CSMD1: variants seen among roughly 807,000 people sequenced by gnomAD.
CSMD1 encodes CUB and sushi domain-containing protein 1.
In CSMD1, 213 loss-of-function variants were observed where a neutral mutation model predicts 417.5. That is an observed-to-expected ratio of 0.51 (90% confidence interval 0.46 to 0.57). The LOEUF (loss-of-function observed/expected upper bound fraction) is 0.57, where lower values mean the gene tolerates loss of function less well. Ranked by LOEUF, CSMD1 falls within the 20% of genes least tolerant of loss-of-function variation. The pLI is 0.00. For missense variants in CSMD1, 6,923 were observed against 4,529.7 expected (o/e 1.53, Z -15.17); for synonymous variants, 2,862 against 1,736.8 (o/e 1.65, Z -16.11).
At chr8:3,987,963 A>T (rs990726032) in intron 5 of CSMD1, among the ~76,000 whole-genome samples, 1 of 152,220 alleles carries the variant, frequency 6.6e-6, no homozygotes, top group African/African-American at 2.4e-5. Flanking sequence ...ACAACAAAGG[A>T]AACTGCTCAA....
At chr8:4,841,860 G>A (rs776192043) in intron 1 of CSMD1, among the ~76,000 whole-genome samples, 56 of 126,876 alleles carry the variant, frequency 4.4e-4, no homozygotes, top group Non-Finnish European at 6.7e-4. Flanking sequence ...ACAGTGAGCC[G>A]AGATCGCACC....
intron 41 of CSMD1, among the ~76,000 whole-genome samples, chr8:3,125,851 C>T (rs1817479602): frequency 6.6e-6 from 1 of 152,154 alleles, no homozygotes. Context: ...GTAGCAGATG[C>T]CTGTAACCCC....
intron 10 of CSMD1, among the ~76,000 whole-genome samples, chr8:3,496,934 G>C (rs928575525): frequency 1.3e-5 from 2 of 152,122 alleles, no homozygotes; most frequent in Non-Finnish European, 2.9e-5. Flanking sequence ...TAATTTCCAT[G>C]TATTCGTACA....
intron 49 of CSMD1, among the ~76,000 whole-genome samples, chr8:3,081,651 G>C (rs1157328563): frequency 1.3e-5 from 2 of 152,162 alleles, no homozygotes; most frequent in East Asian, 3.9e-4. Context: ...GACCAAATGT[G>C]AGATACTGTC....
At chr8:3,667,778 T>C (rs1255624194) in intron 7 of CSMD1, among the ~76,000 whole-genome samples, 2 of 152,124 alleles carry the variant, frequency 1.3e-5, no homozygotes, top group Non-Finnish European at 2.9e-5. Flanking sequence ...AGCAAGTGTC[T>C]TGCGGAAAAT....
chr8:4,179,347 A>C (rs1402607768), intron 3 of CSMD1, among the ~76,000 whole-genome samples: 2 of 152,314 alleles, frequency 1.3e-5, no homozygotes, highest in East Asian at 3.9e-4. Flanking sequence ...CTATTTAATA[A>C]ATGGTGCTGG....
chr8:3,593,947 T>C lies in CSMD1; in HGVS notation c.1098-7687A>G, dbSNP rs144409065. Among the ~76,000 whole-genome samples, 469 of 152,310 alleles carry C rather than the reference T, an allele frequency of 3.1e-3. 4 individuals are homozygous for C. Among genetic ancestry groups the C allele is most frequent in the African/African-American group, 0.011 (453 of 41,560 alleles). On this transcript the variant is annotated intron_variant, in intron 8 of 69. Transcript: ENST00000635120. ...AGAATCAGTTATATGGGGAGTTTCCTGAACAAGGTGCTAAAAAGTTTTCTG... is the reference window on the plus strand; with the variant it reads ...AGAATCAGTTATATGGGGAGTTTCCCGAACAAGGTGCTAAAAAGTTTTCTG...
At chr8:4,622,848 G>T (rs374387102) in intron 2 of CSMD1, among the ~76,000 whole-genome samples, 3 of 152,186 alleles carry the variant, frequency 2.0e-5, no homozygotes, top group African/African-American at 4.8e-5. Context: ...TGACATGGTT[G>T]CCTCCATAAA....
chr8:3,398,432 T>A (rs1304901782), intron 16 of CSMD1, among the ~76,000 whole-genome samples: 2 of 152,192 alleles, frequency 1.3e-5, no homozygotes, highest in African/African-American at 4.8e-5. Flanking sequence ...AAAATAAAAA[T>A]AATTATTTCA....
intron 1 of CSMD1, among the ~76,000 whole-genome samples, chr8:4,950,162 G>C (rs971197467): frequency 6.6e-6 from 1 of 152,186 alleles, no homozygotes; most frequent in East Asian, 1.9e-4. Context: ...GCACACTTTT[G>C]TATATGATTG....
chr8:3,444,312 CAGG>C (rs1815169697), intron 12 of CSMD1, among the ~76,000 whole-genome samples: 1 of 152,170 alleles, frequency 6.6e-6, no homozygotes, highest in South Asian at 2.1e-4. Context: ...ATCATCGACT[CAGG>C]AGTCAAGAAC....
chr8:4,787,430 A>C, intron 1 of CSMD1: 1 of 754,442 alleles, frequency 1.3e-6, no homozygotes, highest in Admixed American at 2.0e-5. Flanking sequence ...GGACAAGATT[A>C]CAGCAGGAAA....
At chr8:3,180,155 T>C (rs756461369) in intron 37 of CSMD1, among the ~76,000 whole-genome samples, 11 of 152,230 alleles carry the variant, frequency 7.2e-5, no homozygotes, top group Non-Finnish European at 1.3e-4. Flanking sequence ...TAAACCTTAC[T>C]CTCATTGGAA....
chr8:3,222,550 C>G (rs765058243), intron 28 of CSMD1, among the ~76,000 whole-genome samples: 16 of 152,232 alleles, frequency 1.1e-4, no homozygotes, highest in South Asian at 4.1e-4. Context: ...AACTCAAGTG[C>G]TCCCCATCTT....
rs142139494 is a variant in CSMD1, at chr8:3,192,487, A to T, written c.5195-2372T>A. Among the ~76,000 whole-genome samples the T allele has an allele frequency of 1.4e-4, 21 of 152,284 alleles. No homozygotes were observed. The East Asian group carries it at 4.1e-3, about 29-fold the overall frequency. ...TTAAGATGATGACTTAGTTTATGAA[A>T]CACAGTAATTGTCATGGTTTGGCTA... On this transcript the variant is annotated intron_variant, in intron 33 of 69. Coordinates refer to ENST00000635120, the MANE Select transcript of CSMD1 (RefSeq NM_033225.6).
chr8:3,640,657 A>T (rs1027278543), intron 7 of CSMD1, among the ~76,000 whole-genome samples: 8 of 152,200 alleles, frequency 5.3e-5, no homozygotes, highest in African/African-American at 1.9e-4. Context: ...TATTCCTTTG[A>T]TTGTCGCTAC....
At chr8:3,737,574 C>T (rs1270326935) in intron 6 of CSMD1, among the ~76,000 whole-genome samples, 2 of 152,096 alleles carry the variant, frequency 1.3e-5, no homozygotes, top group Non-Finnish European at 2.9e-5. Flanking sequence ...ATATATCCTC[C>T]TATGTCATTT....
At chr8:3,619,364 T>C (rs887156338) in intron 7 of CSMD1, among the ~76,000 whole-genome samples, 3 of 137,324 alleles carry the variant, frequency 2.2e-5, no homozygotes, top group Middle Eastern at 3.6e-3. Context: ...CGGTAGTTAA[T>C]TTTTTTCAAA....
At chr8:3,037,455 G>T (rs558123074) in intron 50 of CSMD1, among the ~76,000 whole-genome samples, 1 of 151,998 alleles carries the variant, frequency 6.6e-6, no homozygotes, top group Non-Finnish European at 1.5e-5. Flanking sequence ...TGATCCGCCC[G>T]CCTCGGCCTC....
Sources: allele counts gnomAD v4.1 joint callset (sites outside exome capture counted in the v4.1 genomes callset), GRCh38; gene constraint gnomAD v4.1.1; transcripts MANE v1.5; gene names NCBI Gene and HGNC (gene_info 2026-07-23, HGNC 2026-07-21).